Variants in NHEJ1 observed in about 807,000 individuals in gnomAD.
NHEJ1 encodes the protein non-homologous end joining factor 1, also known as non-homologous end-joining factor 1.
A neutral mutation model predicts 39.4 loss-of-function variants in NHEJ1; 22 were observed. The observed-to-expected ratio is 0.56, with a 90% confidence interval of 0.40 to 0.80. The LOEUF (loss-of-function observed/expected upper bound fraction) is 0.80, where lower values mean the gene tolerates loss of function less well. Ranked by LOEUF, NHEJ1 falls within the 30% of genes least tolerant of loss-of-function variation. The pLI is 0.00. For synonymous variants in NHEJ1, 154 were observed against 135.6 expected, an observed-to-expected ratio of 1.14 and a Z score of -0.94; for missense variants, 329 against 357.1, an observed-to-expected ratio of 0.92 and a Z score of 0.63.
In NHEJ1 at chr2:219,070,984, G is replaced by A. The variant is rs893730652; in HGVS notation, c.*5397C>T. On this transcript the variant is annotated 3_prime_UTR_variant, in exon 8 of 8. Transcript: ENST00000356853. Reference sequence around the variant, plus strand: ...CCCCATTCCTCTCACGTGACAGGACGCCCTGAAATCCCCGCTAGGCAACAA... The same window carrying A: ...CCCCATTCCTCTCACGTGACAGGACACCCTGAAATCCCCGCTAGGCAACAA... Among the ~76,000 whole-genome samples, 6 of 152,072 alleles carry A rather than the reference G, an allele frequency of 3.9e-5. No homozygotes were observed. The highest frequency in any genetic ancestry group is 1.2e-4 in the African/African-American group (5 of 41,404).
At chr2:219,157,985 TCTCTCTCACA>T (rs1474194184) in intron 2 of NHEJ1, among the ~76,000 whole-genome samples, 191 bp downstream of exon 2, 5 of 68,928 alleles carry the variant, frequency 7.3e-5, no homozygotes, top group Admixed American at 1.9e-4. Context: ...TCTCTCTCTC[TCTCTCTCACA>T]CACACACACA....
At chr2:219,082,969 A>G (rs6711613) in intron 5 of NHEJ1, among the ~76,000 whole-genome samples, 110,593 of 152,156 alleles carry the variant, frequency 0.73, 40,654 homozygotes, top group Non-Finnish European at 0.77. Context: ...AAATGGCCAG[A>G]GGGTTTGCCA....
chr2:219,079,215 G>A (rs1412482477), intron 5 of NHEJ1, among the ~76,000 whole-genome samples: 1 of 152,180 alleles, frequency 6.6e-6, no homozygotes, highest in Admixed American at 6.5e-5. Flanking sequence ...CTGCACTTCG[G>A]AATCTTGGAA....
chr2:219,116,231 A>C (rs6436110), intron 5 of NHEJ1, among the ~76,000 whole-genome samples: 103,553 of 152,198 alleles, frequency 0.68, 36,221 homozygotes, highest in Non-Finnish European at 0.77. Context: ...TGAGACACTG[A>C]ATCAAAACGG....
chr2:219,131,427 C>A (rs1337166108), intron 5 of NHEJ1, among the ~76,000 whole-genome samples: 1 of 152,164 alleles, frequency 6.6e-6, no homozygotes, highest in African/African-American at 2.4e-5. Context: ...AGTCCAGTTA[C>A]CAAAATATCT....
chr2:219,089,065 C>T (rs990196343), intron 5 of NHEJ1, among the ~76,000 whole-genome samples: 1 of 152,076 alleles, frequency 6.6e-6, no homozygotes, highest in Non-Finnish European at 1.5e-5. Context: ...GTGATCCGCC[C>T]GCCTCAGCCT....
chr2:219,112,465 G>C (rs1210730628), intron 5 of NHEJ1, among the ~76,000 whole-genome samples: 2 of 151,890 alleles, frequency 1.3e-5, no homozygotes, highest in Non-Finnish European at 2.9e-5. Flanking sequence ...CTCCAAACTG[G>C]CCAAGAAACT....
At chr2:219,159,207 A>G (rs1389413143) in intron 1 of NHEJ1, 1 of 152,266 alleles carries the variant, frequency 6.6e-6, no homozygotes, top group South Asian at 2.1e-4. Flanking sequence ...ACTGCCACCA[A>G]TGACAACATG....
intron 5 of NHEJ1, among the ~76,000 whole-genome samples, chr2:219,087,529 T>A (rs1232338150): frequency 2.0e-5 from 3 of 152,134 alleles, no homozygotes; most frequent in African/African-American, 7.2e-5. Flanking sequence ...GCTTGACAGC[T>A]GGGAACACAG....
chr2:219,114,735 T>C (rs1559194394), intron 5 of NHEJ1, among the ~76,000 whole-genome samples: 1 of 152,114 alleles, frequency 6.6e-6, no homozygotes, highest in Non-Finnish European at 1.5e-5. Flanking sequence ...GGCCCAGACA[T>C]GGCAGAGGTT....
At position 219,078,727 on chromosome 2, in the gene NHEJ1, C is replaced by T. The variant is rs188192255; in HGVS notation, c.589-521G>A. On this transcript the variant is annotated intron_variant, in intron 5 of 7. Coordinates refer to ENST00000356853, the MANE Select transcript of NHEJ1 (RefSeq NM_024782.3). ...AAGCTGACAAAGCTTTTGAGGCCCC[C>T]GGCCATTTTCCATTCCCCACTGCTG... 5.4e-4 allele frequency among the ~76,000 whole-genome samples: 82 copies of T among 152,232 alleles called. 1 individual carries two copies. The highest frequency in any genetic ancestry group is 1.1e-3 in the Non-Finnish European group (72 of 68,020).
At chr2:219,089,536 A>C (rs1308328016) in intron 5 of NHEJ1, among the ~76,000 whole-genome samples, 3 of 152,246 alleles carry the variant, frequency 2.0e-5, no homozygotes, top group Non-Finnish European at 4.4e-5. Flanking sequence ...CTGAATAGGC[A>C]AATCCATAAA....
At position 219,075,295 on chromosome 2, in the gene NHEJ1, A is replaced by G. The variant is rs1431525155; in HGVS notation, c.*1086T>C. The G allele has an allele frequency of 6.6e-6, 1 of 152,164 alleles. No homozygotes were observed. The highest frequency in any genetic ancestry group is 6.5e-5 in the Admixed American group (1 of 15,270). The allele number at this position is 152,164 out of a possible 1,614,324, so 9.4% of individuals were successfully genotyped here. The stretch of plus-strand genomic sequence containing the variant: ...TCATTAGAGTAGCTGGTATACATTA[A>G]CTGCTCAATAAATGTTAGCTATTTA... On this transcript the variant is annotated 3_prime_UTR_variant, in exon 8 of 8. Transcript: ENST00000356853.
chr2:219,132,829 TATATAA>T (rs1949591638), intron 5 of NHEJ1, among the ~76,000 whole-genome samples: 2 of 152,212 alleles, frequency 1.3e-5, no homozygotes, highest in Non-Finnish European at 2.9e-5. Flanking sequence ...AGGTACCATA[TATATAA>T]ATATATTATG....
At chr2:219,157,340 GT>G in intron 3 of NHEJ1, 131 bp downstream of exon 3, 1 of 755,610 alleles carries the variant, frequency 1.3e-6, no homozygotes, top group Non-Finnish European at 2.3e-6. Flanking sequence ...TTTGCCTTCT[GT>G]TTAGTCAAGG....
chr2:219,089,830 C>T (rs1404075151), intron 5 of NHEJ1, among the ~76,000 whole-genome samples: 1 of 152,188 alleles, frequency 6.6e-6, no homozygotes, highest in Non-Finnish European at 1.5e-5. Flanking sequence ...ATTCTCCACT[C>T]TATTTCCTCT....
chr2:219,091,483 T>G (rs1949159503), intron 5 of NHEJ1, among the ~76,000 whole-genome samples: 1 of 152,084 alleles, frequency 6.6e-6, no homozygotes, highest in Admixed American at 6.6e-5. Context: ...AGAGTCTCCC[T>G]AAGTCCTGTA....
intron 5 of NHEJ1, among the ~76,000 whole-genome samples, chr2:219,142,494 AGCCTTAG>A (rs893996581): frequency 6.6e-6 from 1 of 152,190 alleles, no homozygotes; most frequent in Admixed American, 6.5e-5. Flanking sequence ...TTGGAATGCC[AGCCTTAG>A]GCCAGCTCCC....
At chr2:219,077,388 A>G in intron 6 of NHEJ1, 24 bp from the exon 7 acceptor site, 1 of 1,540,176 alleles carries the variant, frequency 6.5e-7, no homozygotes, top group Middle Eastern at 1.7e-4. Context: ...GATCAAGAGA[A>G]GATAGTGATA....
Sources: gnomAD v4.1 joint callset for allele counts (sites outside exome capture counted in the v4.1 genomes callset) on GRCh38, gnomAD v4.1.1 for gene constraint, MANE v1.5 for transcripts, NCBI Gene and HGNC (gene_info 2026-07-23, HGNC 2026-07-21) for gene names.